Variants in CARHSP1 observed in about 807,000 individuals in gnomAD.
CARHSP1 encodes the protein calcium regulated heat stable protein 1.
Under a neutral mutation model 12.5 loss-of-function variants are expected in CARHSP1, and 14 were observed. That is an observed-to-expected ratio of 1.12 (90% CI 0.74 to 1.75). CARHSP1 has a LOEUF of 1.75. CARHSP1 is among the 40% of genes most tolerant of loss of function. The pLI, the probability that CARHSP1 is intolerant of heterozygous loss-of-function variation, is 0.00. For missense variants in CARHSP1, 343 were observed against 201.6 expected, an observed-to-expected ratio of 1.70 and a Z score of -4.25; for synonymous variants, 161 against 82.0, an observed-to-expected ratio of 1.96 and a Z score of -5.20.
At chr16:8,855,380 C>A in intron 3 of CARHSP1, 54 bp from the exon 4 acceptor site, 42 of 1,390,034 alleles carry the variant, frequency 3.0e-5, no homozygotes, top group Non-Finnish European at 4.0e-5. Context: ...CAGCTCCCTT[C>A]CCCAAGACAC....
At chr16:8,864,488 A>G (rs2061423033) in intron 1 of CARHSP1, among the ~76,000 whole-genome samples, 3 of 152,316 alleles carry the variant, frequency 2.0e-5, no homozygotes, top group East Asian at 3.9e-4. Flanking sequence ...AGCTCATTCT[A>G]TCCCCATTTC....
intron 3 of CARHSP1, among the ~76,000 whole-genome samples, chr16:8,856,957 G>A (rs765017553): frequency 6.6e-6 from 1 of 152,124 alleles, no homozygotes; most frequent in Non-Finnish European, 1.5e-5. Context: ...AAGCATGCAG[G>A]AGGAGAAAGA....
intron 1 of CARHSP1, chr16:8,860,585 G>T (rs1370062822): frequency 3.3e-6 from 3 of 922,838 alleles, no homozygotes; most frequent in African/African-American, 1.8e-5. Context: ...TGCAAAGTGG[G>T]GCAGCTGGGT....
rs1209209546 is a variant in CARHSP1 at position 8,855,097 on chromosome 16, A to G, written c.*67T>C. Reference sequence around the variant, plus strand: ...TCTCGTGTGGAAGAATGTCATCTCCAGTGTCTGCTGCCTCCTCCCTGCAAA... The same window carrying G: ...TCTCGTGTGGAAGAATGTCATCTCCGGTGTCTGCTGCCTCCTCCCTGCAAA... On this transcript the variant is annotated 3_prime_UTR_variant, in exon 4 of 4. Transcript: ENST00000311052. The G allele has an allele frequency of 6.7e-6, 9 of 1,333,666 alleles. No individual in the cohort carries two copies. The highest frequency in any genetic ancestry group is 1.0e-6 in the Non-Finnish European group (1 of 1,002,040). The allele number at this position is 1,333,666 out of a possible 1,614,324, so 82.6% of individuals were successfully genotyped here. A position where few individuals can be genotyped will look rare whatever the true frequency, so the allele number is the denominator to read the frequency against.
chr16:8,856,045 G>A lies in CARHSP1; in HGVS notation c.282-719C>T, dbSNP rs116353563. Among the ~76,000 whole-genome samples the A allele has an allele frequency of 4.3e-3, 652 of 152,280 alleles. 8 individuals are homozygous for A. The highest frequency in any genetic ancestry group is 0.015 in the African/African-American group (627 of 41,570). Reference sequence around the variant, plus strand: ...GCTGGTCTCAAACTCCTGACCTTAAGTGAGCCACCTGCCTCAGCCTCCGAA... The same window carrying A: ...GCTGGTCTCAAACTCCTGACCTTAAATGAGCCACCTGCCTCAGCCTCCGAA... On this transcript the variant is annotated intron_variant, in intron 3 of 3. Coordinates refer to ENST00000311052, the MANE Select transcript of CARHSP1 (RefSeq NM_014316.4).
Position 8,855,097 on chromosome 16 carries a change from A to C in CARHSP1, c.*67T>G, listed in dbSNP as rs1209209546. ...TCTCGTGTGGAAGAATGTCATCTCC[A>C]GTGTCTGCTGCCTCCTCCCTGCAAA... On this transcript the variant is annotated 3_prime_UTR_variant, in exon 4 of 4. Transcript: ENST00000311052. 5 of 1,333,660 alleles carry C rather than the reference A, an allele frequency of 3.7e-6. No homozygotes were observed. The highest frequency in any genetic ancestry group is 5.0e-6 in the Non-Finnish European group (5 of 1,002,038). The allele number at this position is 1,333,660 out of a possible 1,614,324, so 82.6% of individuals were successfully genotyped here.
chr16:8,858,125 C>A, intron 3 of CARHSP1: 2 of 575,906 alleles, frequency 3.5e-6, no homozygotes, highest in Admixed American at 3.1e-5. Context: ...AGTACCGTGT[C>A]GCCCCCAGCC....
intron 2 of CARHSP1, chr16:8,858,893 C>A (rs2141096170): frequency 2.4e-6 from 1 of 425,324 alleles, no homozygotes; most frequent in South Asian, 4.7e-5. Flanking sequence ...TCACAGGGAA[C>A]CAGACTCTCA....
intron 1 of CARHSP1, among the ~76,000 whole-genome samples, 186 bp from the exon 2 acceptor site, chr16:8,859,521 A>T (rs1244642397): frequency 6.6e-6 from 1 of 151,706 alleles, no homozygotes; most frequent in East Asian, 2.0e-4. Flanking sequence ...TCCTGAAGCA[A>T]CCGTGGGGCC....
Position 8,858,172 on chromosome 16 carries a change from C to CCCCAA in CARHSP1, c.281+173_281+177dup, listed in dbSNP as rs1230737775. Reference sequence around the variant, plus strand: ...AACACAGCTCCGTAGAGTCTCACAACCCCAACCCAACACACACACAGGAGC... The same window carrying CCCCAA: ...AACACAGCTCCGTAGAGTCTCACAACCCCAACCCAACCCAACACACACACAGGAGC... On this transcript the variant is annotated intron_variant, in intron 3 of 3. Transcript: ENST00000311052. 113 of 733,674 alleles carry CCCCAA rather than the reference C, an allele frequency of 1.5e-4. No individual in the cohort carries two copies. The East Asian group carries it at 3.0e-3, about 20-fold the overall frequency. 45.4% of individuals were successfully genotyped at this position (733,674 alleles called of 1,614,324 possible).
chr16:8,853,018 A>C lies in CARHSP1; in HGVS notation c.*2146T>G, dbSNP rs1014349932. The C allele has an allele frequency of 6.6e-6, 1 of 152,160 alleles. No homozygotes were observed. The highest frequency in any genetic ancestry group is 1.9e-4 in the East Asian group (1 of 5,186). 9.4% of individuals were successfully genotyped at this position (152,160 alleles called of 1,614,324 possible). Reference sequence around the variant, plus strand: ...CAAGATCTGGATTCAGGAATCCTCAATTTTAGCTCTCGCTCTGTCACCAAA... The same window carrying C: ...CAAGATCTGGATTCAGGAATCCTCACTTTTAGCTCTCGCTCTGTCACCAAA... On this transcript the variant is annotated 3_prime_UTR_variant, in exon 4 of 4. Transcript: ENST00000311052.
intron 2 of CARHSP1, 127 bp from the exon 3 acceptor site, chr16:8,858,599 G>C (rs1470991281): frequency 1.5e-5 from 17 of 1,136,264 alleles, no homozygotes; most frequent in Non-Finnish European, 2.0e-5. Context: ...AGTCACACAG[G>C]CTGAGGACTG....
intron 1 of CARHSP1, among the ~76,000 whole-genome samples, chr16:8,866,154 G>A (rs1334308811): frequency 3.3e-5 from 5 of 152,084 alleles, no homozygotes; most frequent in African/African-American, 9.7e-5. Context: ...AGGTCTCACT[G>A]TGTTGTCCAG....
At chr16:8,859,400 A>G (rs61290400) in intron 1 of CARHSP1, 65 bp from the exon 2 acceptor site, 7 of 1,415,500 alleles carry the variant, frequency 4.9e-6, no homozygotes, top group African/African-American at 4.3e-5. Context: ...GCTTACCCCC[A>G]TGTCCACGTC....
At chr16:8,864,528 C>G (rs1415424241) in intron 1 of CARHSP1, among the ~76,000 whole-genome samples, 1 of 152,226 alleles carries the variant, frequency 6.6e-6, no homozygotes, top group Non-Finnish European at 1.5e-5. Flanking sequence ...CACAAAGAGT[C>G]AAGTAACTTG....
At position 8,861,654 on chromosome 16, in the gene CARHSP1, G is replaced by A. The variant is rs747521629; in HGVS notation, c.-7-2319C>T. On this transcript the variant is annotated intron_variant, in intron 1 of 3. Coordinates refer to ENST00000311052, the MANE Select transcript of CARHSP1 (RefSeq NM_014316.4). ...GTGGCTGGCTTGCCTTCTGGAGGAGGTGGCATCCTACCTCCTGTCCCTTCT... is the reference window on the plus strand; with the variant it reads ...GTGGCTGGCTTGCCTTCTGGAGGAGATGGCATCCTACCTCCTGTCCCTTCT... 23 of 1,289,146 alleles carry A rather than the reference G, an allele frequency of 1.8e-5. No homozygotes were observed. The Middle Eastern group carries it at 6.4e-4, about 36-fold the overall frequency. The allele number at this position is 1,289,146 out of a possible 1,614,324, so 79.9% of individuals were successfully genotyped here.
intron 1 of CARHSP1, among the ~76,000 whole-genome samples, chr16:8,861,083 C>T (rs76368971): frequency 0.22 from 31,529 of 144,284 alleles, 3,544 homozygotes; most frequent in Middle Eastern, 0.29. Flanking sequence ...TTTTTTGAGA[C>T]AGTGTCTCAC....
rs1052964759 is a variant in CARHSP1, at chr16:8,855,245, C to T, written c.363G>A (p.Leu121=). The T allele has an allele frequency of 1.2e-6, 2 of 1,613,274 alleles. No individual in the cohort carries two copies. Among genetic ancestry groups the T allele is most frequent in the African/African-American group, 1.3e-5 (1 of 74,910 alleles). ...GAGTGATGACGACCTCCACGGCCTG[C>T]AGCTTCTCATTCTTGGGTGGGATGG... is the stretch of plus-strand genomic sequence containing the variant. ...MCSIPPKNEK[L]QAVEVVITHL... Residue 121 remains leucine (L), a synonymous_variant, in exon 4 of 4, where the codon CTG becomes CTA. Transcript: ENST00000311052.
At chr16:8,862,997 T>TGTAG (rs2061392935) in intron 1 of CARHSP1, among the ~76,000 whole-genome samples, 1 of 151,534 alleles carries the variant, frequency 6.6e-6, no homozygotes, top group African/African-American at 2.4e-5. Flanking sequence ...GCTCATGGCC[T>TGTAG]GTAGGGGTGA....
Sources: allele counts gnomAD v4.1 joint callset (sites outside exome capture counted in the v4.1 genomes callset), GRCh38; gene constraint gnomAD v4.1.1; transcripts MANE v1.5; gene names NCBI Gene and HGNC (gene_info 2026-07-23, HGNC 2026-07-21).